The following MVB12B variants were observed in gnomAD, a reference collection of about 807,000 sequenced individuals.
MVB12B encodes the protein multivesicular body subunit 12B, also known as ESCRT-I complex subunit MVB12B.
Under a neutral mutation model 41.6 loss-of-function variants are expected in MVB12B, and 16 were observed. The ratio of observed to expected loss-of-function variants is 0.38; its 90% confidence interval spans 0.26 to 0.58. MVB12B has a LOEUF of 0.58. Among genes scored for constraint, MVB12B ranks in the 20% least tolerant of loss-of-function variants. The probability of loss-of-function intolerance (pLI) is 0.62; values close to 1 mark genes in which losing one functional copy is unlikely to be tolerated. For missense variants in MVB12B, 274 were observed against 380.2 expected (o/e 0.72, Z 2.32); for synonymous variants, 133 against 139.7 (o/e 0.95, Z 0.34).
chr9:126,442,378 A>T (rs1288653317), intron 7 of MVB12B, among the ~76,000 whole-genome samples: 1 of 152,198 alleles, frequency 6.6e-6, no homozygotes, highest in Admixed American at 6.5e-5. Context: ...TTTAGAGTAG[A>T]CATGGATGAC....
chr9:126,456,596 G>A (rs1388430693), intron 7 of MVB12B, among the ~76,000 whole-genome samples: 4 of 152,168 alleles, frequency 2.6e-5, no homozygotes, highest in Non-Finnish European at 5.9e-5. Context: ...TCAGATACTC[G>A]GAATATGGTT....
In MVB12B at chr9:126,386,483, G is replaced by GCAT. The variant is rs1332717647; in HGVS notation, c.313-77_313-75dup. On this transcript the variant is annotated intron_variant, in intron 3 of 9. Transcript: ENST00000361171. This position sits in a 1 kb window ranked among gnomAD's most constrained non-coding sequence, Gnocchi z 4.3. ...CTGCACGAGTCATTGTGTTAAATAT[G>GCAT]CATCTGGAAGCCAAAATGGCAAACC... 1 of 906,108 alleles carries GCAT rather than the reference G, an allele frequency of 1.1e-6. No homozygotes were observed. The highest frequency in any genetic ancestry group is 1.8e-6 in the Non-Finnish European group (1 of 551,488). 56.1% of individuals were successfully genotyped at this position (906,108 alleles called of 1,614,324 possible). A position where few individuals can be genotyped will look rare whatever the true frequency, so the allele number is the denominator to read the frequency against.
chr9:126,483,484 C>T (rs967831583), intron 8 of MVB12B, among the ~76,000 whole-genome samples: 32 of 152,300 alleles, frequency 2.1e-4, no homozygotes, highest in Admixed American at 2.0e-3. Context: ...CAGCTCCTAC[C>T]CTGGATTCCC....
chr9:126,425,707 C>G (rs1482314079), intron 7 of MVB12B, among the ~76,000 whole-genome samples: 1 of 152,230 alleles, frequency 6.6e-6, no homozygotes, highest in Non-Finnish European at 1.5e-5. Context: ...TCCTTTATGT[C>G]CTGCTGGCCC....
chr9:126,432,398 G>A (rs1832352978), intron 7 of MVB12B, among the ~76,000 whole-genome samples: 1 of 152,164 alleles, frequency 6.6e-6, no homozygotes, highest in African/African-American at 2.4e-5. Flanking sequence ...TACCAAATTA[G>A]CCTTTTGTTT....
chr9:126,415,981 C>A (rs763948120), intron 6 of MVB12B, among the ~76,000 whole-genome samples: 20 of 152,132 alleles, frequency 1.3e-4, no homozygotes, highest in Non-Finnish European at 2.5e-4. Context: ...AGAGCAGAGG[C>A]TGGAGGAACA....
chr9:126,464,672 CCTT>C (rs1456879497), intron 7 of MVB12B, among the ~76,000 whole-genome samples: 2 of 152,174 alleles, frequency 1.3e-5, no homozygotes, highest in Non-Finnish European at 2.9e-5. Context: ...CACTTTCACA[CCTT>C]CTCGATTATA....
At chr9:126,344,047 T>TA (rs80127150) in intron 2 of MVB12B, among the ~76,000 whole-genome samples, 3,359 of 128,784 alleles carry the variant, frequency 0.026, 85 homozygotes, top group East Asian at 0.074. Context: ...CTTTTCTTGG[T>TA]AAAAAAAAAA....
Position 126,340,238 on chromosome 9 carries a change from G to T in MVB12B, c.82-270G>T, listed in dbSNP as rs1012533478. Reference sequence around the variant, plus strand: ...GCGGAGTTAAGAATGACGTGCTCTTGGGTTTGAGTCAAGCTCACCTCCTGA... The same window carrying T: ...GCGGAGTTAAGAATGACGTGCTCTTTGGTTTGAGTCAAGCTCACCTCCTGA... On this transcript the variant is annotated intron_variant, in intron 1 of 9. Transcript: ENST00000361171. The surrounding 1 kb of genome is among the most constrained non-coding windows in gnomAD (Gnocchi z 4.0). 2.6e-5 allele frequency among the ~76,000 whole-genome samples: 4 copies of T among 152,010 alleles called. No homozygotes were observed. The highest frequency in any genetic ancestry group is 7.2e-5 in the African/African-American group (3 of 41,388).
chr9:126,336,707 TC>T (rs1324944758), intron 1 of MVB12B, among the ~76,000 whole-genome samples: 1 of 151,926 alleles, frequency 6.6e-6, no homozygotes, highest in African/African-American at 2.4e-5. Context: ...TCCCCAGCTT[TC>T]CCATTCCGTA....
At chr9:126,481,078 G>C (rs1433270526) in intron 7 of MVB12B, 2 of 424,354 alleles carry the variant, frequency 4.7e-6, no homozygotes, top group East Asian at 8.7e-5. Context: ...GACTCCAGGG[G>C]TGGAGAGTAG....
chr9:126,328,423 C>T (rs1298205368), intron 1 of MVB12B, among the ~76,000 whole-genome samples: 3 of 152,186 alleles, frequency 2.0e-5, no homozygotes, highest in Non-Finnish European at 2.9e-5. Context: ...TGTCTCCATC[C>T]TGCTAGGGAC....
chr9:126,455,640 A>G (rs1013845797), intron 7 of MVB12B, among the ~76,000 whole-genome samples: 3 of 152,048 alleles, frequency 2.0e-5, no homozygotes, highest in Non-Finnish European at 4.4e-5. Flanking sequence ...GTGTGCCACC[A>G]TGCCCAGCTG....
intron 7 of MVB12B, among the ~76,000 whole-genome samples, chr9:126,438,916 C>T (rs1832561692): frequency 6.6e-6 from 1 of 151,936 alleles, no homozygotes; most frequent in African/African-American, 2.4e-5. Context: ...AGTTGAATCC[C>T]GTGTATGATA....
intron 7 of MVB12B, among the ~76,000 whole-genome samples, chr9:126,430,290 C>G (rs536839504): frequency 6.6e-6 from 1 of 152,260 alleles, no homozygotes; most frequent in African/African-American, 2.4e-5. Flanking sequence ...CCACCCGTGT[C>G]CCACCAGCCT....
intron 2 of MVB12B, among the ~76,000 whole-genome samples, chr9:126,347,113 G>A (rs1408014397): frequency 6.6e-6 from 1 of 152,234 alleles, no homozygotes; most frequent in African/African-American, 2.4e-5. Context: ...CTGATGAGAA[G>A]GAACCAAAGA....
chr9:126,495,404 A>G (rs771081617), intron 9 of MVB12B, among the ~76,000 whole-genome samples: 48 of 152,218 alleles, frequency 3.2e-4, no homozygotes, highest in Non-Finnish European at 6.2e-4. Flanking sequence ...AGCCGTCTTC[A>G]TTTCCACCAC....
At position 126,505,767 on chromosome 9, in the gene MVB12B, C is replaced by G. The variant is rs941841932; in HGVS notation, c.*2504C>G. The G allele has an allele frequency of 1.3e-5, 2 of 152,172 alleles. No homozygotes were observed. Among genetic ancestry groups the G allele is most frequent in the African/African-American group, 2.4e-5 (1 of 41,406 alleles). The allele number at this position is 152,172 out of a possible 1,614,324, so 9.4% of individuals were successfully genotyped here. On this transcript the variant is annotated 3_prime_UTR_variant, in exon 10 of 10. Coordinates refer to ENST00000361171, the MANE Select transcript of MVB12B (RefSeq NM_033446.3). ...AGAACTGAGGCATGAAACTCTGGCT[C>G]AAACCTAGGAATTGAGAGCGTTTCT...
intron 2 of MVB12B, among the ~76,000 whole-genome samples, chr9:126,358,819 A>G (rs548403): frequency 0.2 from 30,883 of 152,196 alleles, 3,227 homozygotes; most frequent in Middle Eastern, 0.23. Flanking sequence ...TAGAGCATCC[A>G]GTACACTATT....
Sources: gnomAD v4.1 joint callset for allele counts (sites outside exome capture counted in the v4.1 genomes callset) on GRCh38, gnomAD v4.1.1 for gene constraint, Gnocchi (gnomAD v3.1) non-coding constraint, MANE v1.5 for transcripts, NCBI Gene and HGNC (gene_info 2026-07-23, HGNC 2026-07-21) for gene names.